The following KIAA1217 variants were observed in gnomAD, a reference collection of about 807,000 sequenced individuals.
The protein encoded by KIAA1217 is sickle tail protein homolog.
KIAA1217 carries 88 observed loss-of-function variants against 163.9 expected under a neutral mutation model. The observed-to-expected ratio is 0.54, with a 90% confidence interval of 0.45 to 0.64. The LOEUF is 0.64. Ranked by LOEUF, KIAA1217 falls within the 30% of genes least tolerant of loss-of-function variation. The pLI, the probability that KIAA1217 is intolerant of heterozygous loss-of-function variation, is 0.00. For missense variants in KIAA1217, 2,372 were observed against 2,475.0 expected (o/e 0.96, Z 0.88); for synonymous variants, 903 against 923.1 (o/e 0.98, Z 0.39).
intron 1 of KIAA1217, among the ~76,000 whole-genome samples, chr10:23,807,325 T>A (rs1429847223): frequency 2.0e-5 from 3 of 152,250 alleles, no homozygotes; most frequent in Admixed American, 6.5e-5. Flanking sequence ...AGATCTTAGA[T>A]GAAGGTCACA....
intron 2 of KIAA1217, among the ~76,000 whole-genome samples, chr10:24,135,491 A>G (rs2063800041): frequency 6.6e-6 from 1 of 151,982 alleles, no homozygotes; most frequent in Non-Finnish European, 1.5e-5. Context: ...TAAAGTGCTC[A>G]GGGAGGCAGA....
At chr10:24,034,744 G>A (rs1292922690) in intron 2 of KIAA1217, among the ~76,000 whole-genome samples, 5 of 152,140 alleles carry the variant, frequency 3.3e-5, no homozygotes, top group Admixed American at 1.3e-4. Context: ...ATCCTGGAGC[G>A]TGTTTCCCCA....
intron 2 of KIAA1217, among the ~76,000 whole-genome samples, chr10:24,096,113 C>T (rs1336142173): frequency 6.6e-6 from 1 of 152,072 alleles, no homozygotes; most frequent in Admixed American, 6.5e-5. Context: ...GTCTTGAAAA[C>T]AAAATGAAAC....
intron 19 of KIAA1217, among the ~76,000 whole-genome samples, chr10:24,544,753 T>TTGAAA (rs2075522837): frequency 6.6e-6 from 1 of 152,220 alleles, no homozygotes; most frequent in African/African-American, 2.4e-5. Context: ...CCATGTGCTG[T>TTGAAA]TGAAATGGTT....
intron 1 of KIAA1217, among the ~76,000 whole-genome samples, chr10:23,702,710 A>AC (rs1564350157): frequency 3.0e-4 from 38 of 128,692 alleles, no homozygotes; most frequent in African/African-American, 1.1e-3. Context: ...CACACACACA[A>AC]ATATATTGTA....
intron 2 of KIAA1217, among the ~76,000 whole-genome samples, chr10:24,062,826 C>T (rs1051919052): frequency 3.3e-5 from 5 of 152,254 alleles, no homozygotes; most frequent in African/African-American, 1.2e-4. Flanking sequence ...TTAATGATCA[C>T]CATTCTAATT....
chr10:24,063,719 A>C (rs1435651222), intron 2 of KIAA1217, among the ~76,000 whole-genome samples: 2 of 152,140 alleles, frequency 1.3e-5, no homozygotes, highest in African/African-American at 4.8e-5. Flanking sequence ...TGAATCTATA[A>C]ATTACCTTGG....
chr10:24,217,550 G>A (rs1166300003), intron 1 of KIAA1217, among the ~76,000 whole-genome samples: 1 of 152,184 alleles, frequency 6.6e-6, no homozygotes, highest in African/African-American at 2.4e-5. Context: ...ACCAGCCTGA[G>A]ATGAAAATAT....
intron 1 of KIAA1217, among the ~76,000 whole-genome samples, chr10:24,216,059 G>A (rs2068772979): frequency 1.3e-5 from 2 of 152,044 alleles, no homozygotes; most frequent in Non-Finnish European, 2.9e-5. Context: ...CCACAAGAAA[G>A]AGAAAAAACA....
At chr10:24,504,630 G>T (rs1376034883) in intron 9 of KIAA1217, among the ~76,000 whole-genome samples, 1 of 152,118 alleles carries the variant, frequency 6.6e-6, no homozygotes, top group Non-Finnish European at 1.5e-5. Context: ...AGTCTCAAAA[G>T]AACAAAAATT....
intron 2 of KIAA1217, among the ~76,000 whole-genome samples, chr10:24,327,349 C>G (rs1272253295): frequency 2.6e-5 from 4 of 152,144 alleles, no homozygotes; most frequent in Non-Finnish European, 5.9e-5. Context: ...ACATGGCTAC[C>G]TATTTGACTT....
chr10:23,869,785 C>T (rs1442185526), intron 1 of KIAA1217, among the ~76,000 whole-genome samples: 1 of 152,064 alleles, frequency 6.6e-6, no homozygotes, highest in Non-Finnish European at 1.5e-5. Context: ...ATTTGTGAGC[C>T]TATCAAATGT....
chr10:24,454,973 G>A (rs1328372759), intron 5 of KIAA1217, among the ~76,000 whole-genome samples: 1 of 151,128 alleles, frequency 6.6e-6, no homozygotes, highest in African/African-American at 2.5e-5. Context: ...TATATATTTA[G>A]ACCAAGGAGC....
chr10:23,801,911 G>A (rs1836485074), intron 1 of KIAA1217, among the ~76,000 whole-genome samples: 1 of 152,148 alleles, frequency 6.6e-6, no homozygotes, highest in Non-Finnish European at 1.5e-5. Context: ...AGAAGAATAT[G>A]CATACGGACA....
At chr10:24,095,226 G>A (rs1016561101) in intron 2 of KIAA1217, among the ~76,000 whole-genome samples, 1 of 152,152 alleles carries the variant, frequency 6.6e-6, no homozygotes, top group African/African-American at 2.4e-5. Context: ...GCTCGTGCAC[G>A]GGTGCGCTGC....
At chr10:24,086,668 A>G (rs976541643) in intron 2 of KIAA1217, among the ~76,000 whole-genome samples, 1 of 152,190 alleles carries the variant, frequency 6.6e-6, no homozygotes, top group Non-Finnish European at 1.5e-5. Flanking sequence ...GCCAAACATT[A>G]ATGAAGGGAA....
intron 1 of KIAA1217, among the ~76,000 whole-genome samples, chr10:23,705,730 G>A (rs1202715822): frequency 6.6e-6 from 1 of 152,104 alleles, no homozygotes; most frequent in Admixed American, 6.5e-5. Flanking sequence ...CAGTACTTGA[G>A]TTTCCACATA....
At chr10:24,365,439 A>G (rs1464535769) in intron 2 of KIAA1217, among the ~76,000 whole-genome samples, 1 of 151,102 alleles carries the variant, frequency 6.6e-6, no homozygotes, top group Non-Finnish European at 1.5e-5. Flanking sequence ...CTTCAAATCT[A>G]TCATCCTGTT....
rs368408923 is a variant in KIAA1217 at position 24,041,435 on chromosome 10, C to G, written c.-171+34061C>G. ...TGTTTTTTGTAAAGCACGCTAAGTA[C>G]AAGTATTTGTTAGAATAAACTCCGA... On this transcript the variant is annotated intron_variant, in intron 2 of 18. Coordinates refer to the KIAA1217 transcript ENST00000376462. 2.3e-3 allele frequency among the ~76,000 whole-genome samples: 356 copies of G among 152,262 alleles called. 1 individual carries two copies. Among genetic ancestry groups the G allele is most frequent in the African/African-American group, 7.7e-3 (321 of 41,556 alleles).
Sources: allele counts gnomAD v4.1 joint callset (sites outside exome capture counted in the v4.1 genomes callset), GRCh38; gene constraint gnomAD v4.1.1; transcripts MANE v1.5; gene names NCBI Gene and HGNC (gene_info 2026-07-23, HGNC 2026-07-21).